The following ZNF19 variants were observed in gnomAD, a reference collection of about 807,000 sequenced individuals.
ZNF19 encodes the protein zinc finger protein 19.
Under a neutral mutation model 13.1 loss-of-function variants are expected in ZNF19, and 11 were observed. The observed-to-expected ratio is 0.84, with a 90% CI of 0.53 to 1.39. The LOEUF (loss-of-function observed/expected upper bound fraction) is 1.39, where lower values mean the gene tolerates loss of function less well. Among genes scored for constraint, ZNF19 ranks in the 40% most tolerant of loss-of-function variants. The pLI is 0.00. For synonymous variants in ZNF19, 186 were observed against 187.0 expected (o/e 0.99, Z 0.04); for missense variants, 560 against 547.0 (o/e 1.02, Z -0.24).
chr16:71,477,471 T>G (rs1218142450), intron 5 of ZNF19, among the ~76,000 whole-genome samples: 2 of 152,190 alleles, frequency 1.3e-5, no homozygotes, highest in East Asian at 3.8e-4. Flanking sequence ...TTTCACTGTT[T>G]GCTCTTGGTG....
chr16:71,478,065 T>G, intron 5 of ZNF19, 163 bp downstream of exon 5: 1 of 597,098 alleles, frequency 1.7e-6, no homozygotes, highest in Non-Finnish European at 3.0e-6. Context: ...ACGTACTGAG[T>G]GATTACATGT....
Position 71,486,532 on chromosome 16 carries a change from G to T in ZNF19, c.-189-1784C>A, listed in dbSNP as rs201633792. ...AGGAAGGGGCCAAGGGTCAAGGAAA[G>T]TGGGTGGCCTCCAGAAGATGAAAAA... is the stretch of plus-strand genomic sequence containing the variant. On this transcript the variant is annotated intron_variant, in intron 1 of 5. Coordinates refer to ENST00000288177, the MANE Select transcript of ZNF19 (RefSeq NM_006961.4). 5.3e-5 allele frequency among the ~76,000 whole-genome samples: 8 copies of T among 152,148 alleles called. No homozygotes were observed. In the East Asian group the frequency reaches 1.5e-3, roughly 29 times the overall value.
chr16:71,485,229 C>G (rs890086751), intron 1 of ZNF19, among the ~76,000 whole-genome samples: 1 of 152,040 alleles, frequency 6.6e-6, no homozygotes, highest in African/African-American at 2.4e-5. Context: ...GCGGGCAGAT[C>G]ACCTGAGGTC....
intron 1 of ZNF19, among the ~76,000 whole-genome samples, chr16:71,486,585 C>G (rs752444372): frequency 3.3e-5 from 5 of 152,186 alleles, no homozygotes; most frequent in Non-Finnish European, 1.5e-5. Flanking sequence ...TCTCCTTAGT[C>G]TAAATCCTGA....
chr16:71,475,452 G>A lies in ZNF19; in HGVS notation c.1095C>T (p.Ala365=). The change falls in exon 6 of 6, where the codon GCC becomes GCT. Residue 365 remains alanine (A), a synonymous_variant. Transcript: ENST00000288177. ...TTTTTAATTGTTCCTGAGCACTGAA[G>A]GCTTTTCCACAATCTACACAGTCAA... ...KPFDCVDCGK[A]FSAQEQLKRH... 6.2e-7 allele frequency: 1 copy of A among 1,613,974 alleles called. No individual in the cohort carries two copies. The highest frequency in any genetic ancestry group is 8.5e-7 in the Non-Finnish European group (1 of 1,179,986).
chr16:71,487,679 G>C (rs2145174994), intron 1 of ZNF19, among the ~76,000 whole-genome samples: 1 of 152,216 alleles, frequency 6.6e-6, no homozygotes, highest in Admixed American at 6.5e-5. Flanking sequence ...AGTAATATCA[G>C]ATCATGATAC....
chr16:71,478,085 T>G, intron 5 of ZNF19, 143 bp downstream of exon 5: 1 of 622,022 alleles, frequency 1.6e-6, no homozygotes, highest in Non-Finnish European at 2.9e-6. Context: ...TTGGTAAGAG[T>G]TAAGATTGGT....
chr16:71,480,616 G>A (rs1335116072), intron 3 of ZNF19, among the ~76,000 whole-genome samples: 1 of 152,150 alleles, frequency 6.6e-6, no homozygotes, highest in Non-Finnish European at 1.5e-5. Flanking sequence ...GTCAACAGCT[G>A]GGGACACTTT....
chr16:71,484,868 A>ACG, intron 1 of ZNF19, 120 bp from the exon 2 acceptor site: 2 of 300,980 alleles, frequency 6.6e-6, no homozygotes, highest in Non-Finnish European at 9.8e-6. Flanking sequence ...TGTCACCGAT[A>ACG]GAAATCACAG....
chr16:71,483,953 G>A (rs62056189), intron 2 of ZNF19, among the ~76,000 whole-genome samples: 1 of 152,218 alleles, frequency 6.6e-6, no homozygotes, highest in Non-Finnish European at 1.5e-5. Context: ...ATTAACTAAG[G>A]TATGAAGGAA....
chr16:71,478,436 G>A (rs1327981742), intron 4 of ZNF19, 95 bp from the exon 5 acceptor site: 1 of 892,272 alleles, frequency 1.1e-6, no homozygotes, highest in South Asian at 1.4e-5. Context: ...AAGACCCACA[G>A]AAGAGGGTTC....
Position 71,478,313 on chromosome 16 carries a change from G to A in ZNF19, c.189C>T (p.Ile63=). The part of the protein sequence containing the change: ...LGYPVPKPAL[I]SLLERGDMAW... Reference sequence around the variant, plus strand: ...CCATGTCCCCTCTCTCCAAAAGTGAGATCAGTGCAGGTTTGGGAACTGGGT... The same window carrying A: ...CCATGTCCCCTCTCTCCAAAAGTGAAATCAGTGCAGGTTTGGGAACTGGGT... Residue 63 remains isoleucine (I), a synonymous_variant, in exon 5 of 6, where the codon ATC becomes ATT. Transcript: ENST00000288177. 1 of 1,613,978 alleles carries A rather than the reference G, an allele frequency of 6.2e-7. No individual in the cohort carries two copies. The highest frequency in any genetic ancestry group is 8.5e-7 in the Non-Finnish European group (1 of 1,179,960).
At chr16:71,478,627 C>T in intron 4 of ZNF19, 1 of 638,516 alleles carries the variant, frequency 1.6e-6, no homozygotes, top group Non-Finnish European at 2.8e-6. Context: ...CTGTGCAGAG[C>T]CTCTTGGAAG....
rs754498746 is a variant in ZNF19, at chr16:71,479,133, G to A, written c.34-128C>T. 2.4e-6 allele frequency: 3 copies of A among 1,252,630 alleles called. No individual in the cohort carries two copies. The African/African-American group carries it at 4.4e-5, about 18-fold the overall frequency. The allele number at this position is 1,252,630 out of a possible 1,614,324, so 77.6% of individuals were successfully genotyped here. ...GGATAGGTAATGAGAAAATGTGACA[G>A]AACTGGATATTAGACCATTATATGA... On this transcript the variant is annotated intron_variant, in intron 3 of 5. Transcript: ENST00000288177.
chr16:71,476,307 C>T, intron 5 of ZNF19, 35 bp from the exon 6 acceptor site: 2 of 1,568,142 alleles, frequency 1.3e-6, no homozygotes, highest in Non-Finnish European at 1.7e-6. Flanking sequence ...AATAATGCCA[C>T]CTGAGAACTA....
At chr16:71,478,080 A>T in intron 5 of ZNF19, 148 bp downstream of exon 5, 1 of 612,928 alleles carries the variant, frequency 1.6e-6, no homozygotes, top group Non-Finnish European at 2.9e-6. Context: ...ACATGTTGGT[A>T]AGAGTTAAGA....
At chr16:71,477,905 T>C in intron 5 of ZNF19, 1 of 235,592 alleles carries the variant, frequency 4.2e-6, no homozygotes, top group Non-Finnish European at 8.3e-6. Flanking sequence ...CCATAACTTG[T>C]ACCTGCCAGA....
At chr16:71,486,805 G>T (rs1276650764) in intron 1 of ZNF19, among the ~76,000 whole-genome samples, 6 of 152,052 alleles carry the variant, frequency 3.9e-5, no homozygotes, top group Non-Finnish European at 2.9e-5. Context: ...TTACATAAAT[G>T]ACCATTAAGT....
Position 71,475,275 on chromosome 16 carries a change from A to T in ZNF19, c.1272T>A (p.Thr424=), listed in dbSNP as rs1425099145. The change falls in exon 6 of 6, where the codon ACT becomes ACA. Residue 424 remains threonine, a synonymous_variant. Transcript: ENST00000288177. Reference sequence around the variant, plus strand: ...GCTCAAGGTGACCTAGCTGGGAAGAAGTCCCAAAGGCCTTCTCATACTTGC... The same window carrying T: ...GCTCAAGGTGACCTAGCTGGGAAGATGTCCCAAAGGCCTTCTCATACTTGC... ...ECSKYEKAFG[T]SSQLGHLEHV... 6.2e-7 allele frequency: 1 copy of T among 1,614,240 alleles called. No individual in the cohort carries two copies. Among genetic ancestry groups the T allele is most frequent in the African/African-American group, 1.3e-5 (1 of 75,074 alleles).
Sources: allele counts gnomAD v4.1 joint callset (sites outside exome capture counted in the v4.1 genomes callset), GRCh38; gene constraint gnomAD v4.1.1; transcripts MANE v1.5; gene names NCBI Gene and HGNC (gene_info 2026-07-23, HGNC 2026-07-21).